SLX4IP: variants seen among roughly 807,000 people sequenced by gnomAD.
The protein encoded by SLX4IP is protein SLX4IP.
In SLX4IP, 34 loss-of-function variants were observed where a neutral mutation model predicts 32.9. The ratio of observed to expected loss-of-function variants is 1.03; its 90% CI spans 0.79 to 1.38. The LOEUF (loss-of-function observed/expected upper bound fraction) is 1.38, where lower values mean the gene tolerates loss of function less well. SLX4IP is among the 40% of genes most tolerant of loss of function. SLX4IP has a pLI of 0.00. For synonymous variants in SLX4IP, 172 were observed against 171.7 expected (o/e 1.00, Z -0.01); for missense variants, 444 against 479.0 (o/e 0.93, Z 0.68).
intron 2 of SLX4IP, among the ~76,000 whole-genome samples, chr20:10,482,139 G>A (rs2065528225): frequency 6.6e-6 from 1 of 152,216 alleles, no homozygotes; most frequent in Admixed American, 6.5e-5. Context: ...CCACTTAGAA[G>A]CTGTCTTCCA....
intron 5 of SLX4IP, among the ~76,000 whole-genome samples, chr20:10,599,898 C>A (rs1444990864): frequency 1.3e-5 from 2 of 152,148 alleles, no homozygotes; most frequent in Non-Finnish European, 1.5e-5. Flanking sequence ...TAATACCTGG[C>A]AGCACCAAAA....
chr20:10,451,255 G>GT (rs2065239527), intron 1 of SLX4IP, among the ~76,000 whole-genome samples: 1 of 151,832 alleles, frequency 6.6e-6, no homozygotes, highest in Non-Finnish European at 1.5e-5. Flanking sequence ...GCGCCTGCCA[G>GT]GTTCAGGCGA....
chr20:10,521,115 G>A (rs531800391), intron 2 of SLX4IP, among the ~76,000 whole-genome samples: 20 of 152,236 alleles, frequency 1.3e-4, no homozygotes, highest in Non-Finnish European at 2.5e-4. Context: ...ATTACCTTTC[G>A]TTTCTCTTTA....
chr20:10,563,016 T>C (rs141467953), intron 4 of SLX4IP, among the ~76,000 whole-genome samples: 85 of 152,358 alleles, frequency 5.6e-4, no homozygotes, highest in African/African-American at 1.9e-3. Flanking sequence ...TTGTACTAAT[T>C]TAAATTCCCG....
intron 6 of SLX4IP, among the ~76,000 whole-genome samples, chr20:10,605,728 ACT>A (rs1363167184): frequency 6.6e-6 from 1 of 152,082 alleles, no homozygotes; most frequent in Non-Finnish European, 1.5e-5. Context: ...AGCTGTTAAG[ACT>A]CTGCAGACGT....
At chr20:10,438,120 C>T (rs1302202023) in intron 1 of SLX4IP, among the ~76,000 whole-genome samples, 1 of 151,944 alleles carries the variant, frequency 6.6e-6, no homozygotes, top group East Asian at 1.9e-4. Context: ...TGCAAATCAC[C>T]AGGGGAAAGG....
At chr20:10,472,902 G>A (rs1350451269) in intron 2 of SLX4IP, among the ~76,000 whole-genome samples, 1 of 152,130 alleles carries the variant, frequency 6.6e-6, no homozygotes, top group Non-Finnish European at 1.5e-5. Flanking sequence ...GTATAAAAAT[G>A]TTTAGGTGTT....
At chr20:10,546,426 C>T (rs778448052) in intron 2 of SLX4IP, among the ~76,000 whole-genome samples, 8 of 152,080 alleles carry the variant, frequency 5.3e-5, no homozygotes, top group Admixed American at 1.3e-4. Context: ...TTTATTGGCT[C>T]TTAATAGGAA....
At chr20:10,537,454 C>A (rs74661063) in intron 2 of SLX4IP, among the ~76,000 whole-genome samples, 285 of 152,346 alleles carry the variant, frequency 1.9e-3, no homozygotes, top group Non-Finnish European at 3.2e-3. Flanking sequence ...GAGGCATGTA[C>A]TTCCTTACTA....
chr20:10,529,490 C>T (rs6108620), intron 2 of SLX4IP, among the ~76,000 whole-genome samples: 3 of 145,812 alleles, frequency 2.1e-5, no homozygotes, highest in Non-Finnish European at 4.5e-5. Context: ...ACTTGGAAGG[C>T]TGAGGCAGGA....
At chr20:10,452,654 G>A (rs1267696317) in intron 1 of SLX4IP, among the ~76,000 whole-genome samples, 2 of 101,700 alleles carry the variant, frequency 2.0e-5, no homozygotes, top group Non-Finnish European at 3.8e-5. Flanking sequence ...CAACAAGAGC[G>A]AAACTGTCTC....
intron 2 of SLX4IP, among the ~76,000 whole-genome samples, chr20:10,466,115 A>G (rs1235281961): frequency 6.6e-6 from 1 of 152,222 alleles, no homozygotes. Context: ...TAGTAAAATA[A>G]AAAAGAAATC....
chr20:10,493,622 A>G (rs1395116948), intron 2 of SLX4IP, among the ~76,000 whole-genome samples: 3 of 151,948 alleles, frequency 2.0e-5, no homozygotes, highest in African/African-American at 7.3e-5. Flanking sequence ...TATTTCTTGA[A>G]TTATTGCATT....
At chr20:10,492,310 A>G (rs2065630394) in intron 2 of SLX4IP, among the ~76,000 whole-genome samples, 1 of 152,092 alleles carries the variant, frequency 6.6e-6, no homozygotes, top group South Asian at 2.1e-4. Context: ...GACAGTGTAA[A>G]TTACTCTCCA....
intron 4 of SLX4IP, among the ~76,000 whole-genome samples, chr20:10,588,711 A>C (rs2122534724): frequency 6.6e-6 from 1 of 152,354 alleles, no homozygotes; most frequent in South Asian, 2.1e-4. Flanking sequence ...AGCCTAATTC[A>C]TAAAAGCAGA....
At chr20:10,494,005 C>T (rs898255692) in intron 2 of SLX4IP, among the ~76,000 whole-genome samples, 1 of 151,432 alleles carries the variant, frequency 6.6e-6, no homozygotes, top group African/African-American at 2.4e-5. Flanking sequence ...GACTTGAAGA[C>T]TTTTTAAGAG....
At chr20:10,587,759 T>C (rs2066662306) in intron 4 of SLX4IP, among the ~76,000 whole-genome samples, 1 of 152,156 alleles carries the variant, frequency 6.6e-6, no homozygotes, top group Non-Finnish European at 1.5e-5. Context: ...AAGAATAGTC[T>C]CTTCAATAAA....
chr20:10,622,835 C>T lies in SLX4IP; in HGVS notation c.683C>T (p.Ala228Val), dbSNP rs773906467. ...SMGQAKDSIKAAESHWGLPVQ... is the reference protein window; with the variant it reads ...SMGQAKDSIKVAESHWGLPVQ... ...GGACAAGCAAAGGATTCCATAAAGG[C>T]AGCTGAGAGCCACTGGGGGCTTCCT... The change falls in exon 8 of 8, where the codon GCA becomes GTA. Residue 228 changes from alanine (A) to valine (V), a missense_variant. Coordinates refer to ENST00000334534, the MANE Select transcript of SLX4IP (RefSeq NM_001009608.3). The T allele has an allele frequency of 1.9e-6, 3 of 1,614,078 alleles. No homozygotes were observed. The highest frequency in any genetic ancestry group is 2.5e-6 in the Non-Finnish European group (3 of 1,180,022).
intron 4 of SLX4IP, among the ~76,000 whole-genome samples, chr20:10,570,199 A>T (rs532700801): frequency 2.0e-5 from 3 of 152,068 alleles, no homozygotes; most frequent in Non-Finnish European, 4.4e-5. Context: ...ATTTCTACTC[A>T]CCCAGTTACC....
Sources: allele counts gnomAD v4.1 joint callset (sites outside exome capture counted in the v4.1 genomes callset), GRCh38; gene constraint gnomAD v4.1.1; transcripts MANE v1.5; gene names NCBI Gene and HGNC (gene_info 2026-07-23, HGNC 2026-07-21).